The following SBF1 variants were observed in gnomAD, a reference collection of about 807,000 sequenced individuals.
The protein encoded by SBF1 is SET binding factor 1.
A neutral mutation model predicts 215.8 loss-of-function variants in SBF1; 65 were observed. The observed-to-expected ratio is 0.30, with a 90% CI of 0.25 to 0.37. The LOEUF (loss-of-function observed/expected upper bound fraction) is 0.37. SBF1 is among the 10% of genes least tolerant of loss of function. SBF1 has a pLI of 1.00. For synonymous variants in SBF1, 1,410 were observed against 1,122.8 expected, an observed-to-expected ratio of 1.26 and a Z score of -5.11; for missense variants, 2,634 against 2,667.8, an observed-to-expected ratio of 0.99 and a Z score of 0.28.
In SBF1 at chr22:50,466,698, A is replaced by T. The variant is rs1310976876; in HGVS notation, c.562T>A (p.Leu188Met). ...ATGACCTGCCGGTCACCAGCCCCCAAAGAGATCGTCCTCTGCAGCAAAAAA... is the reference window on the plus strand; with the variant it reads ...ATGACCTGCCGGTCACCAGCCCCCATAGAGATCGTCCTCTGCAGCAAAAAA... Reference protein sequence around the residue: ...LAGGSQRTISLGAGDRQVIQT... With the variant: ...LAGGSQRTISMGAGDRQVIQT... Residue 188 changes from leucine to methionine, a missense_variant, in exon 6 of 41, where the codon TTG (leucine) becomes ATG (methionine). By Grantham distance (15) the Leu-to-Met change is conservative. Transcript: ENST00000380817. 1 of 1,539,322 alleles carries T rather than the reference A, an allele frequency of 6.5e-7. No individual in the cohort carries two copies. The highest frequency in any genetic ancestry group is 2.5e-5 in the East Asian group (1 of 40,656).
rs771995037 is a variant in SBF1, at chr22:50,462,643, G to C, written c.2043C>G (p.Phe681Leu). The change falls in exon 18 of 41, where the codon TTC becomes TTG. Residue 681 changes from phenylalanine to leucine, a missense_variant. Physicochemically the swap from Phe to Leu is conservative, Grantham distance 22 (BLOSUM62 0). Transcript: ENST00000380817. ...CATCCCCATAGAACATGGCCTCCCA[G>C]AACTGTGGCGTGCTCCACACCACGT... ...QEHVVWSTPQ[F>L]WEAMFYGDVQ... The C allele has an allele frequency of 6.2e-7, 1 of 1,612,824 alleles. No individual in the cohort carries two copies. The highest frequency in any genetic ancestry group is 8.5e-7 in the Non-Finnish European group (1 of 1,179,768).
At position 50,446,704 on chromosome 22, in the gene SBF1, A is replaced by T. The variant is rs1221898478; in HGVS notation, c.*438T>A. 1 of 406,812 alleles carries T rather than the reference A, an allele frequency of 2.5e-6. No homozygotes were observed. The highest frequency in any genetic ancestry group is 2.0e-5 in the African/African-American group (1 of 48,894). 25.2% of individuals were successfully genotyped at this position (406,812 alleles called of 1,614,324 possible). On this transcript the variant is annotated 3_prime_UTR_variant, in exon 41 of 41. Coordinates refer to ENST00000380817, the MANE Select transcript of SBF1 (RefSeq NM_002972.4). ...GCACCAGGAGAGGCTCACGAGAAAG[A>T]TGCCAACCTCCCGCCAGGTGGGCCT...
At chr22:50,461,047 A>G in intron 23 of SBF1, 112 bp downstream of exon 23, 3 of 1,373,826 alleles carry the variant, frequency 2.2e-6, no homozygotes, top group Non-Finnish European at 2.9e-6. Context: ...CAAGCGTAAC[A>G]ACAGGGCCAC....
rs187441948 is a variant in SBF1 at position 50,467,328 on chromosome 22, C to T, written c.549+10G>A. The T allele has an allele frequency of 8.2e-4, 1,322 of 1,612,332 alleles. 1 individual carries two copies. The highest frequency in any genetic ancestry group is 1.1e-3 in the Non-Finnish European group (1,275 of 1,178,692). Reference sequence around the variant, plus strand: ...TGGCTGTGCAGATACCAGCTGCCTCCAAAACTCACCTGCGAGCCCCCAGCC... The same window carrying T: ...TGGCTGTGCAGATACCAGCTGCCTCTAAAACTCACCTGCGAGCCCCCAGCC... On this transcript the variant is annotated intron_variant, in intron 5 of 40. Coordinates refer to ENST00000380817, the MANE Select transcript of SBF1 (RefSeq NM_002972.4).
In SBF1 at chr22:50,461,732, A is replaced by T; in HGVS notation, c.2644-14T>A. ...CAGCAGCTTGGGCTGCTCGAAAACA[A>T]GAGCAGGAGCTCAGGATGCAGCCCG... On this transcript the variant is annotated splice_polypyrimidine_tract_variant and intron_variant, in intron 21 of 40. Transcript: ENST00000380817. 6.2e-7 allele frequency: 1 copy of T among 1,609,354 alleles called. No individual in the cohort carries two copies.
chr22:50,448,705 A>T lies in SBF1; in HGVS notation c.5044-55T>A. On this transcript the variant is annotated intron_variant, in intron 36 of 40. Coordinates refer to ENST00000380817, the MANE Select transcript of SBF1 (RefSeq NM_002972.4). ...CAAAAGGAAATATCCAGACTAGAGC[A>T]CGAAAAGACAAAAGGAAAACACAGG... The T allele has an allele frequency of 1.4e-6, 2 of 1,399,350 alleles. No individual in the cohort carries two copies. The highest frequency in any genetic ancestry group is 3.5e-4 in the Middle Eastern group (2 of 5,682). 86.7% of individuals were successfully genotyped at this position (1,399,350 alleles called of 1,614,324 possible).
intron 28 of SBF1, among the ~76,000 whole-genome samples, chr22:50,458,776 C>A (rs147184306): frequency 1.3e-5 from 2 of 152,050 alleles, no homozygotes; most frequent in Admixed American, 1.3e-4. Context: ...CCAGGACACA[C>A]GAGGACAGAG....
At chr22:50,474,021 G>A (rs546196695) in intron 1 of SBF1, among the ~76,000 whole-genome samples, 20 of 152,328 alleles carry the variant, frequency 1.3e-4, no homozygotes, top group Middle Eastern at 3.4e-3. Context: ...CCAGGCTGTT[G>A]CTGATGTCAT....
chr22:50,445,197 G>C lies in SBF1; in HGVS notation c.*1945C>G. The C allele has an allele frequency of 6.6e-6, 1 of 152,466 alleles. No homozygotes were observed. Among genetic ancestry groups the C allele is most frequent in the South Asian group, 2.1e-4 (1 of 4,824 alleles). The allele number at this position is 152,466 out of a possible 1,614,324, so 9.4% of individuals were successfully genotyped here. On this transcript the variant is annotated 3_prime_UTR_variant, in exon 41 of 41. Coordinates refer to ENST00000380817, the MANE Select transcript of SBF1 (RefSeq NM_002972.4). ...CCCGCCACCCCCCAGCGTTATCCCC[G>C]TGTAATGGGTGGAGGCGGAACAGGC...
chr22:50,456,754 G>A (rs1021167729), intron 29 of SBF1, 81 bp from the exon 30 acceptor site: 10 of 1,258,976 alleles, frequency 7.9e-6, no homozygotes, highest in Middle Eastern at 2.1e-4. Context: ...GGCCTCCAGG[G>A]AGGGGGCTGA....
Position 50,462,087 on chromosome 22 carries a change from G to A in SBF1, c.2429C>T (p.Thr810Met), listed in dbSNP as rs754556678. Residue 810 changes from threonine (T) to methionine (M), a missense_variant, in exon 20 of 41, where the codon ACG (threonine) becomes ATG (methionine). Physicochemically the swap from Thr to Met is moderately conservative, Grantham distance 81. Coordinates refer to ENST00000380817, the MANE Select transcript of SBF1 (RefSeq NM_002972.4). ...MAGSVAESYD[T>M]ESGFEDAETC... ...CTCTGCATCCTCGAAGCCGCTCTCCGTGTCATAGCTCTCGGCCACACTGCC... is the reference window on the plus strand; with the variant it reads ...CTCTGCATCCTCGAAGCCGCTCTCCATGTCATAGCTCTCGGCCACACTGCC... The A allele has an allele frequency of 2.2e-5, 36 of 1,613,816 alleles. No homozygotes were observed. Among genetic ancestry groups the A allele is most frequent in the East Asian group, 4.5e-5 (2 of 44,894 alleles).
At chr22:50,472,585 T>C (rs774356637) in intron 1 of SBF1, among the ~76,000 whole-genome samples, 1 of 152,126 alleles carries the variant, frequency 6.6e-6, no homozygotes, top group Non-Finnish European at 1.5e-5. Context: ...ATTCGCTGCA[T>C]CCTCACGGCA....
chr22:50,462,226 C>T lies in SBF1; in HGVS notation c.2375G>A (p.Ser792Asn). The T allele has an allele frequency of 3.1e-6, 5 of 1,607,762 alleles. No individual in the cohort carries two copies. Among genetic ancestry groups the T allele is most frequent in the Middle Eastern group, 1.6e-4 (1 of 6,062 alleles). The change falls in exon 19 of 41, where the codon AGC becomes AAC. Residue 792 changes from serine to asparagine, a missense_variant. Transcript: ENST00000380817. ...TCACCTGTTGGTGACCAGGCTGTTGCTGGCGCTCTCCAGGTCGCCCAGCCC... is the reference window on the plus strand; with the variant it reads ...TCACCTGTTGGTGACCAGGCTGTTGTTGGCGCTCTCCAGGTCGCCCAGCCC... ...RAGLGDLESA[S>N]NSLVTNSMAG...
rs2066798432 is a variant in SBF1 at position 50,446,129 on chromosome 22, TG to T, written c.*1012del. 6.6e-6 allele frequency: 1 copy of T among 152,516 alleles called. No individual in the cohort carries two copies. The highest frequency in any genetic ancestry group is 2.4e-5 in the African/African-American group (1 of 41,364). 9.4% of individuals were successfully genotyped at this position (152,516 alleles called of 1,614,324 possible). A position where few individuals can be genotyped will look rare whatever the true frequency, so the allele number is the denominator to read the frequency against. ...TCAGCAGGTGAAGCCCTGGGCCTGG[TG>T]GGACTCAGGTTTGAATAGGAAAAGA... is the stretch of plus-strand genomic sequence containing the variant. On this transcript the variant is annotated 3_prime_UTR_variant, in exon 41 of 41. Coordinates refer to ENST00000380817, the MANE Select transcript of SBF1 (RefSeq NM_002972.4).
chr22:50,452,571 A>T (rs1362676502), intron 36 of SBF1, among the ~76,000 whole-genome samples: 2 of 151,804 alleles, frequency 1.3e-5, no homozygotes, highest in Non-Finnish European at 2.9e-5. Flanking sequence ...ATACAAAAAA[A>T]ATTTAGCCGG....
chr22:50,466,284 G>A (rs1449661742), intron 7 of SBF1, 26 bp from the exon 8 acceptor site: 2 of 1,612,996 alleles, frequency 1.2e-6, no homozygotes, highest in African/African-American at 1.3e-5. Context: ...AGGATGCAGT[G>A]AGCCAGGGGA....
At position 50,463,529 on chromosome 22, in the gene SBF1, C is replaced by T. The variant is rs1603433290; in HGVS notation, c.1750-97G>A. Reference sequence around the variant, plus strand: ...AGCAGGTGTCCAGGAGACCCAAATGCCTTTCAGGTGGGGTGTGCCAGACTC... The same window carrying T: ...AGCAGGTGTCCAGGAGACCCAAATGTCTTTCAGGTGGGGTGTGCCAGACTC... On this transcript the variant is annotated intron_variant, in intron 15 of 40. Transcript: ENST00000380817. The T allele has an allele frequency of 3.0e-5, 40 of 1,339,610 alleles. No individual in the cohort carries two copies. The South Asian group carries it at 6.0e-4, about 20-fold the overall frequency. 83.0% of individuals were successfully genotyped at this position (1,339,610 alleles called of 1,614,324 possible). A position where few individuals can be genotyped will look rare whatever the true frequency, so the allele number is the denominator to read the frequency against.
intron 36 of SBF1, among the ~76,000 whole-genome samples, chr22:50,449,090 T>G (rs1473430567): frequency 1.3e-5 from 2 of 151,868 alleles, no homozygotes; most frequent in Non-Finnish European, 2.9e-5. Flanking sequence ...GAGAATCGCT[T>G]GAACCTGGGA....
rs2058295713 is a variant in SBF1, at chr22:50,459,490, G to C, written c.3668C>G (p.Ala1223Gly). 1.9e-6 allele frequency: 3 copies of C among 1,610,280 alleles called. No individual in the cohort carries two copies. Among genetic ancestry groups the C allele is most frequent in the Non-Finnish European group, 2.5e-6 (3 of 1,179,816 alleles). Residue 1223 changes from alanine (A) to glycine (G), a missense_variant, in exon 27 of 41, where the codon GCC becomes GGC. By Grantham distance (60) the Ala-to-Gly change is moderately conservative. Transcript: ENST00000380817. Reference sequence around the variant, plus strand: ...GGTACCTGGAGAAGGTGCGTTCTGGGCCTTGAAGAGGCCGACGACACCTTT... The same window carrying C: ...GGTACCTGGAGAAGGTGCGTTCTGGCCCTTGAAGAGGCCGACGACACCTTT... ...HGKGVVGLFK[A>G]QNAPSPGQSQ...
Sources: gnomAD v4.1 joint callset for allele counts (sites outside exome capture counted in the v4.1 genomes callset) on GRCh38, gnomAD v4.1.1 for gene constraint, MANE v1.5 for transcripts, NCBI Gene and HGNC (gene_info 2026-07-23, HGNC 2026-07-21) for gene names.